KAT6A: variants seen among roughly 807,000 people sequenced by gnomAD.
KAT6A encodes the protein histone acetyltransferase KAT6A.
A neutral mutation model predicts 198.4 loss-of-function variants in KAT6A; 9 were observed. The observed-to-expected ratio is 0.05, with a 90% CI of 0.03 to 0.08. KAT6A has a LOEUF of 0.08. Among genes scored for constraint, KAT6A ranks in the 10% least tolerant of loss-of-function variants. KAT6A has a pLI of 1.00. For synonymous variants in KAT6A, 890 were observed against 883.0 expected (o/e 1.01, Z -0.14); for missense variants, 2,077 against 2,509.9 (o/e 0.83, Z 3.69).
intron 2 of KAT6A, among the ~76,000 whole-genome samples, chr8:42,038,908 C>T (rs1827506191): frequency 6.6e-6 from 1 of 152,112 alleles, no homozygotes; most frequent in Admixed American, 6.5e-5. Flanking sequence ...AATCTCTATG[C>T]TTAATTTCAA....
intron 1 of KAT6A, among the ~76,000 whole-genome samples, chr8:42,050,774 T>C (rs1307625027): frequency 6.6e-6 from 1 of 152,128 alleles, no homozygotes; most frequent in East Asian, 1.9e-4. Flanking sequence ...ACGTCCTAAT[T>C]GACTAAGCTT....
intron 8 of KAT6A, chr8:41,957,226 GC>G (rs1564022028): frequency 1.7e-6 from 1 of 576,774 alleles, no homozygotes; most frequent in Admixed American, 1.9e-5. Flanking sequence ...GCCCACACCC[GC>G]CTTTAACCTT....
At chr8:42,007,916 C>CGTGCCACTGT (rs1246613456) in intron 2 of KAT6A, among the ~76,000 whole-genome samples, 2 of 130,986 alleles carry the variant, frequency 1.5e-5, no homozygotes, top group Non-Finnish European at 3.1e-5. Flanking sequence ...GAGCTGAGAT[C>CGTGCCACTGT]GTGCCACTGT....
At chr8:42,034,379 A>G (rs1331655982) in intron 2 of KAT6A, among the ~76,000 whole-genome samples, 1 of 152,172 alleles carries the variant, frequency 6.6e-6, no homozygotes, top group Non-Finnish European at 1.5e-5. Context: ...CTACATCCAC[A>G]CTTTGAGAAC....
intron 2 of KAT6A, among the ~76,000 whole-genome samples, chr8:42,013,358 C>A (rs1053145194): frequency 6.6e-6 from 1 of 151,368 alleles, no homozygotes; most frequent in Non-Finnish European, 1.5e-5. Context: ...CGGGTTCAAG[C>A]GATTCTCCTG....
At chr8:42,027,833 TCTTAA>T (rs1242751903) in intron 2 of KAT6A, among the ~76,000 whole-genome samples, 1 of 152,188 alleles carries the variant, frequency 6.6e-6, no homozygotes, top group Non-Finnish European at 1.5e-5. Context: ...TTTAGTTTGT[TCTTAA>T]CTTTTCTAGT....
At chr8:42,032,373 G>A (rs1224149956) in intron 2 of KAT6A, among the ~76,000 whole-genome samples, 1 of 152,112 alleles carries the variant, frequency 6.6e-6, no homozygotes, top group African/African-American at 2.4e-5. Context: ...GTATGTGAAA[G>A]CAAAATTCTT....
intron 5 of KAT6A, among the ~76,000 whole-genome samples, 181 bp downstream of exon 5, chr8:41,980,665 T>A (rs1408569733): frequency 6.6e-6 from 1 of 152,210 alleles, no homozygotes. Flanking sequence ...CATGTAAGAA[T>A]GTTAAGATGC....
Position 41,947,889 on chromosome 8 carries a change from A to C in KAT6A, c.1764T>G (p.Ile588Met). The change falls in exon 11 of 17, where the codon ATT (isoleucine) becomes ATG (methionine). Residue 588 changes from isoleucine to methionine, a missense_variant. Ile to Met is a conservative substitution (Grantham distance 10). This residue lies in a region of KAT6A where 46 missense variants were observed against 88.2 expected (regional missense o/e 0.52). Coordinates refer to ENST00000265713, the MANE Select transcript of KAT6A (RefSeq NM_006766.5). ...VFEVDGNVST[I>M]YCQNLCLLAK... ...CCAAAAGACACAGGTTTTGACAATA[A>C]ATGGTACTCACATTCCCATCAACCT... The C allele has an allele frequency of 6.2e-7, 1 of 1,604,796 alleles. No individual in the cohort carries two copies. The highest frequency in any genetic ancestry group is 1.1e-5 in the South Asian group (1 of 88,876).
chr8:41,984,855 C>A (rs1824527764), intron 3 of KAT6A, among the ~76,000 whole-genome samples: 1 of 151,828 alleles, frequency 6.6e-6, no homozygotes, highest in South Asian at 2.1e-4. Context: ...TGGTGGCAGG[C>A]ACCTGTAATC....
At chr8:42,036,494 T>A (rs1472471029) in intron 2 of KAT6A, among the ~76,000 whole-genome samples, 1 of 151,986 alleles carries the variant, frequency 6.6e-6, no homozygotes, top group African/African-American at 2.4e-5. Context: ...GCACCTGTAA[T>A]CCCAGCTGCT....
intron 7 of KAT6A, 70 bp downstream of exon 7, chr8:41,976,938 T>TA: frequency 8.3e-7 from 1 of 1,207,706 alleles, no homozygotes; most frequent in Non-Finnish European, 1.2e-6. Flanking sequence ...CCATTATAGA[T>TA]AATTAGTGTT....
intron 9 of KAT6A, among the ~76,000 whole-genome samples, chr8:41,952,005 T>C (rs1451892222): frequency 6.6e-6 from 1 of 152,162 alleles, no homozygotes; most frequent in East Asian, 1.9e-4. Context: ...TGGGACCAGG[T>C]CTGCAAAATG....
At chr8:42,043,791 A>G (rs1044653484) in intron 2 of KAT6A, among the ~76,000 whole-genome samples, 10 of 152,204 alleles carry the variant, frequency 6.6e-5, no homozygotes, top group Admixed American at 3.9e-4. Context: ...AGACTGCCCA[A>G]ATTCAAATCC....
chr8:41,980,070 A>AT (rs1351196618), intron 5 of KAT6A, among the ~76,000 whole-genome samples: 2 of 152,242 alleles, frequency 1.3e-5, no homozygotes, highest in East Asian at 3.9e-4. Context: ...TCAACAGGAA[A>AT]TTTTTTTCCA....
At position 42,042,330 on chromosome 8, in the gene KAT6A, G is replaced by A. The variant is rs577353866; in HGVS notation, c.600+6048C>T. On this transcript the variant is annotated intron_variant, in intron 2 of 16. Coordinates refer to ENST00000265713, the MANE Select transcript of KAT6A (RefSeq NM_006766.5). ...AAATTAGCCGGGCATGGTGGCATGC[G>A]CCTATAATCCCAGCTTACTCGGGAG... 5.9e-5 allele frequency among the ~76,000 whole-genome samples: 9 copies of A among 151,706 alleles called. No individual in the cohort carries two copies. The South Asian group carries it at 1.5e-3, about 25-fold the overall frequency.
chr8:42,000,115 C>T (rs538952769), intron 2 of KAT6A, among the ~76,000 whole-genome samples: 5 of 152,300 alleles, frequency 3.3e-5, no homozygotes, highest in East Asian at 3.9e-4. Flanking sequence ...ATGGTATTTA[C>T]TTATGCAACT....
At chr8:42,016,067 T>C (rs1587828222) in intron 2 of KAT6A, among the ~76,000 whole-genome samples, 1 of 152,314 alleles carries the variant, frequency 6.6e-6, no homozygotes, top group East Asian at 1.9e-4. Flanking sequence ...TTAACAGCAG[T>C]GCTTCCCAAA....
At chr8:42,028,616 A>G (rs997531640) in intron 2 of KAT6A, among the ~76,000 whole-genome samples, 1 of 152,138 alleles carries the variant, frequency 6.6e-6, no homozygotes, top group Non-Finnish European at 1.5e-5. Context: ...TTCGGTCTAT[A>G]TGTCTTCATA....
Sources: gnomAD v4.1 joint callset for allele counts (sites outside exome capture counted in the v4.1 genomes callset) on GRCh38, gnomAD v4.1.1 for gene constraint, gnomAD v4.1.1 regional missense constraint, MANE v1.5 for transcripts, NCBI Gene and HGNC (gene_info 2026-07-23, HGNC 2026-07-21) for gene names.